Variants in LRPAP1 observed in about 807,000 individuals in gnomAD.
The protein encoded by LRPAP1 is alpha-2-macroglobulin receptor-associated protein.
In LRPAP1, 41 loss-of-function variants were observed where a neutral mutation model predicts 39.9. The observed-to-expected ratio is 1.03, with a 90% CI of 0.80 to 1.33. The LOEUF is 1.33. LRPAP1 is among the 40% of genes most tolerant of loss of function. The pLI, the probability that LRPAP1 is intolerant of heterozygous loss-of-function variation, is 0.00. For synonymous variants in LRPAP1, 263 were observed against 212.7 expected (o/e 1.24, Z -2.06); for missense variants, 565 against 482.3 (o/e 1.17, Z -1.61).
chr4:3,521,762 G>A (rs1354308466), intron 2 of LRPAP1, among the ~76,000 whole-genome samples: 2 of 152,354 alleles, frequency 1.3e-5, no homozygotes, highest in Middle Eastern at 3.4e-3. Context: ...CTGGCGCTGG[G>A]CACGGGTCCC....
intron 1 of LRPAP1, among the ~76,000 whole-genome samples, chr4:3,528,597 G>A (rs754016425): frequency 2.0e-5 from 3 of 152,248 alleles, no homozygotes; most frequent in African/African-American, 7.2e-5. Context: ...CAGAGGGCAT[G>A]TGCCATCCTC....
rs899008227 is a variant in LRPAP1 at position 3,512,564 on chromosome 4, G to A, written c.*410C>T. ...GACACTTAGTGACCAGCCAACAAGCGGGTGGTTTAAATACTGCACTCTATT... is the reference window on the plus strand; with the variant it reads ...GACACTTAGTGACCAGCCAACAAGCAGGTGGTTTAAATACTGCACTCTATT... On this transcript the variant is annotated 3_prime_UTR_variant, in exon 8 of 8. Coordinates refer to ENST00000650182, the MANE Select transcript of LRPAP1 (RefSeq NM_002337.4). 8.3e-5 allele frequency: 14 copies of A among 169,652 alleles called. No homozygotes were observed. Among genetic ancestry groups the A allele is most frequent in the Admixed American group, 3.0e-4 (5 of 16,862 alleles). 10.5% of individuals were successfully genotyped at this position (169,652 alleles called of 1,614,324 possible).
At chr4:3,528,554 A>G (rs1458256157) in intron 1 of LRPAP1, among the ~76,000 whole-genome samples, 6 of 152,196 alleles carry the variant, frequency 3.9e-5, no homozygotes, top group Admixed American at 6.5e-5. Flanking sequence ...GGCAGGTTCC[A>G]ATGCCACCAG....
intron 4 of LRPAP1, 141 bp from the exon 5 acceptor site, chr4:3,518,333 C>G (rs561137741): frequency 8.8e-6 from 8 of 908,460 alleles, no homozygotes; most frequent in South Asian, 1.9e-5. Flanking sequence ...CGCGGTCCTG[C>G]AGCGCCGCAG....
chr4:3,508,510 C>G lies in LRPAP1; in HGVS notation c.*4464G>C, dbSNP rs879707412. 1 of 152,130 alleles carries G rather than the reference C, an allele frequency of 6.6e-6. No homozygotes were observed. Among genetic ancestry groups the G allele is most frequent in the Admixed American group, 6.5e-5 (1 of 15,270 alleles). 9.4% of individuals were successfully genotyped at this position (152,130 alleles called of 1,614,324 possible). On this transcript the variant is annotated 3_prime_UTR_variant, in exon 8 of 8. Coordinates refer to ENST00000650182, the MANE Select transcript of LRPAP1 (RefSeq NM_002337.4). ...ATCACATGACAAGACAATGAACATCCAAGCCCAGTGTCCCTCAAGAGCATT... is the reference window on the plus strand; with the variant it reads ...ATCACATGACAAGACAATGAACATCGAAGCCCAGTGTCCCTCAAGAGCATT...
intron 1 of LRPAP1, 133 bp from the exon 2 acceptor site, chr4:3,525,184 C>G: frequency 2.1e-6 from 2 of 965,020 alleles, no homozygotes; most frequent in Non-Finnish European, 3.2e-6. Flanking sequence ...GGGTCACTGT[C>G]AGCAGGATTC....
intron 5 of LRPAP1, 192 bp downstream of exon 5, chr4:3,517,842 G>A (rs934870604): frequency 1.0e-5 from 6 of 580,670 alleles, no homozygotes; most frequent in East Asian, 3.3e-5. Flanking sequence ...TGGGGACGGC[G>A]AGTGACCTTC....
At position 3,508,022 on chromosome 4, in the gene LRPAP1, T is replaced by C. The variant is rs1729401880; in HGVS notation, c.*4952A>G. On this transcript the variant is annotated 3_prime_UTR_variant, in exon 8 of 8. Transcript: ENST00000650182. ...ATCCAAAAGCCTCATGTCTTTTTTTTTGAGACAGAGCCTCGCTCTGTTGCC... is the reference window on the plus strand; with the variant it reads ...ATCCAAAAGCCTCATGTCTTTTTTTCTGAGACAGAGCCTCGCTCTGTTGCC... The C allele has an allele frequency of 6.6e-6, 1 of 152,178 alleles. No homozygotes were observed. The highest frequency in any genetic ancestry group is 2.4e-5 in the African/African-American group (1 of 41,442). 9.4% of individuals were successfully genotyped at this position (152,178 alleles called of 1,614,324 possible).
rs1044387442 is a variant in LRPAP1, at chr4:3,505,289, G to A, written c.*7685C>T. Among the ~76,000 whole-genome samples, 18 of 152,202 alleles carry A rather than the reference G, an allele frequency of 1.2e-4. No individual in the cohort carries two copies. The highest frequency in any genetic ancestry group is 3.6e-4 in the African/African-American group (15 of 41,452). ...TGGTGGGGGAGCAGGCATGGCACCC[G>A]GAGCACTGGAGCCCAATGCAGGGTG... On this transcript the variant is annotated 3_prime_UTR_variant, in exon 8 of 8. Transcript: ENST00000650182.
chr4:3,513,159 T>C, intron 7 of LRPAP1, 123 bp from the exon 8 acceptor site: 1 of 691,936 alleles, frequency 1.4e-6, no homozygotes, highest in Admixed American at 2.6e-5. Flanking sequence ...CACATCTGAC[T>C]TTCCAATTCC....
chr4:3,520,271 G>A (rs751113250), intron 2 of LRPAP1, 78 bp from the exon 3 acceptor site: 108 of 1,503,228 alleles, frequency 7.2e-5, no homozygotes, highest in Non-Finnish European at 6.4e-5. Flanking sequence ...GGGTTGCCAC[G>A]GTGGGTGAGA....
chr4:3,529,667 G>C lies in LRPAP1; in HGVS notation c.204+2542C>G, dbSNP rs150868676. The stretch of plus-strand genomic sequence containing the variant: ...CAGAAAGTCAAGATTCAAGTTGCTG[G>C]AGAGGATGAAGCAGCACCCCCCTGG... On this transcript the variant is annotated intron_variant, in intron 1 of 7. Transcript: ENST00000650182. Among the ~76,000 whole-genome samples, 719 of 152,334 alleles carry C rather than the reference G, an allele frequency of 4.7e-3. 4 individuals carry two copies. Among genetic ancestry groups the C allele is most frequent in the African/African-American group, 0.016 (675 of 41,590 alleles).
chr4:3,517,871 G>A (rs1729767745), intron 5 of LRPAP1, 163 bp downstream of exon 5: 3 of 755,248 alleles, frequency 4.0e-6, no homozygotes, highest in Non-Finnish European at 6.0e-6. Context: ...GCTCCTGGGA[G>A]CGAGGCCTGT....
chr4:3,518,457 C>T (rs1326600309), intron 4 of LRPAP1, among the ~76,000 whole-genome samples: 1 of 152,234 alleles, frequency 6.6e-6, no homozygotes, highest in Admixed American at 6.5e-5. Context: ...TGGGGGCTGA[C>T]TCTGGACCCC....
At chr4:3,518,729 T>G in intron 4 of LRPAP1, 142 bp downstream of exon 4, 1 of 588,002 alleles carries the variant, frequency 1.7e-6, no homozygotes, top group Non-Finnish European at 2.9e-6. Context: ...TGGGAGGGCG[T>G]CTGGTGCCGC....
In LRPAP1 at chr4:3,522,592, G is replaced by A. The variant is rs77657000; in HGVS notation, c.349+2315C>T. On this transcript the variant is annotated intron_variant, in intron 2 of 7. Coordinates refer to ENST00000650182, the MANE Select transcript of LRPAP1 (RefSeq NM_002337.4). ...CCCACACTCCCTGCCTGGGGAAGTC[G>A]GACGCCGCCCCACACCCCCTGCCTG... 8.6e-3 allele frequency among the ~76,000 whole-genome samples: 226 copies of A among 26,362 alleles called. 66 individuals are homozygous for A. Among genetic ancestry groups the A allele is most frequent in the East Asian group, 0.055 (10 of 182 alleles). 17.3% of individuals were successfully genotyped at this position (26,362 alleles called of 152,430 possible). A position where few individuals can be genotyped will look rare whatever the true frequency, so the allele number is the denominator to read the frequency against.
intron 6 of LRPAP1, 90 bp downstream of exon 6, chr4:3,516,026 G>A (rs557716529): frequency 2.4e-6 from 3 of 1,225,704 alleles, no homozygotes; most frequent in East Asian, 2.5e-5. Context: ...GAGAGAGCTT[G>A]GAGGAGAGGG....
chr4:3,525,123 G>T, intron 1 of LRPAP1, 72 bp from the exon 2 acceptor site: 1 of 1,580,520 alleles, frequency 6.3e-7, no homozygotes, highest in Non-Finnish European at 8.6e-7. Flanking sequence ...ACTGACCTCG[G>T]AGGAGGCTGG....
At chr4:3,520,573 G>A (rs187224458) in intron 2 of LRPAP1, among the ~76,000 whole-genome samples, 1 of 152,342 alleles carries the variant, frequency 6.6e-6, no homozygotes, top group East Asian at 1.9e-4. Context: ...GCGACCAGCT[G>A]CACAGATTTT....
Sources: allele counts gnomAD v4.1 joint callset (sites outside exome capture counted in the v4.1 genomes callset), GRCh38; gene constraint gnomAD v4.1.1; transcripts MANE v1.5; gene names NCBI Gene and HGNC (gene_info 2026-07-23, HGNC 2026-07-21).